KLF8: variants seen among roughly 807,000 people sequenced by gnomAD.
KLF8 encodes KLF transcription factor 8.
Under a neutral mutation model 18.2 loss-of-function variants are expected in KLF8, and 10 were observed. That is an observed-to-expected ratio of 0.55 (90% CI 0.34 to 0.93). KLF8 has a LOEUF of 0.93. Ranked by LOEUF, KLF8 falls within the 40% of genes least tolerant of loss-of-function variation. KLF8 has a pLI of 0.02. For synonymous variants in KLF8, 109 were observed against 97.3 expected (o/e 1.12, Z -0.71); for missense variants, 264 against 277.9 (o/e 0.95, Z 0.36).
chrX:56,224,663 T>C, the KLF8 span, among the ~76,000 whole-genome samples: 1 of 112,305 alleles, frequency 8.9e-6, no homozygotes, highest in Non-Finnish European at 1.9e-5. Context: ...TTACACTTAA[T>C]ATTATTATAC....
the KLF8 span, among the ~76,000 whole-genome samples, chrX:56,197,754 C>T: frequency 4.5e-5 from 5 of 111,184 alleles, no homozygotes; most frequent in African/African-American, 1.6e-4. Context: ...CAAAATCATC[C>T]AGTACCAAAG....
the KLF8 span, among the ~76,000 whole-genome samples, chrX:56,086,566 G>A: frequency 1.8e-5 from 2 of 110,875 alleles, no homozygotes; most frequent in Non-Finnish European, 3.8e-5. Context: ...AAGCTTTTAT[G>A]TTAGTCTATA....
the KLF8 span, among the ~76,000 whole-genome samples, chrX:55,925,430 C>T: frequency 0.014 from 1,497 of 110,493 alleles, 16 homozygotes; most frequent in Non-Finnish European, 0.023. Flanking sequence ...ACACACACTA[C>T]ATATTATACT....
the KLF8 span, among the ~76,000 whole-genome samples, chrX:56,090,580 T>A: frequency 2.0e-3 from 221 of 112,241 alleles, no homozygotes; most frequent in Non-Finnish European, 3.3e-3. Flanking sequence ...GTGATGTTGA[T>A]GTTTTTATAT....
the KLF8 span, among the ~76,000 whole-genome samples, chrX:56,178,336 A>AT: frequency 4.5e-5 from 5 of 111,086 alleles, no homozygotes; most frequent in Non-Finnish European, 7.6e-5. Flanking sequence ...GGGTTGTTTG[A>AT]TTTTTTCTTG....
At chrX:56,106,333 C>A in the KLF8 span, among the ~76,000 whole-genome samples, 1 of 111,906 alleles carries the variant, frequency 8.9e-6, no homozygotes, top group Non-Finnish European at 1.9e-5. Flanking sequence ...TTCCATTCTC[C>A]CCATCACTTT....
At chrX:56,090,554 A>G in the KLF8 span, among the ~76,000 whole-genome samples, 30 of 112,265 alleles carry the variant, frequency 2.7e-4, no homozygotes, top group African/African-American at 9.4e-4. Flanking sequence ...TTTGATTTAC[A>G]TTACTGTGAT....
At chrX:56,163,518 C>T in the KLF8 span, among the ~76,000 whole-genome samples, 2 of 111,242 alleles carry the variant, frequency 1.8e-5, no homozygotes, top group Non-Finnish European at 3.8e-5. Flanking sequence ...GCATAGTTTA[C>T]AAAAATTTTC....
the KLF8 span, among the ~76,000 whole-genome samples, chrX:56,193,164 T>TA: frequency 3.7e-3 from 416 of 112,093 alleles, 1 homozygote; most frequent in Non-Finnish European, 5.2e-3. Flanking sequence ...GCAAAAAAAT[T>TA]AAAAAGACAT....
the KLF8 span, among the ~76,000 whole-genome samples, chrX:56,069,262 A>T: frequency 9.0e-6 from 1 of 111,657 alleles, no homozygotes; most frequent in Non-Finnish European, 1.9e-5. Flanking sequence ...AGGGTGCATG[A>T]CCCCACTGAT....
the KLF8 span, among the ~76,000 whole-genome samples, chrX:56,108,343 T>A: frequency 8.9e-6 from 1 of 112,084 alleles, no homozygotes; most frequent in Non-Finnish European, 1.9e-5. Flanking sequence ...GGGCTTTCCA[T>A]AAATACCTTT....
the KLF8 span, among the ~76,000 whole-genome samples, chrX:56,067,744 C>A: frequency 8.9e-6 from 1 of 112,279 alleles, no homozygotes; most frequent in Non-Finnish European, 1.9e-5. Context: ...CCCCGTCCCC[C>A]TCCTACACTT....
At chrX:55,996,409 T>C in the KLF8 span, among the ~76,000 whole-genome samples, 37 of 112,367 alleles carry the variant, frequency 3.3e-4, no homozygotes, top group Admixed American at 2.0e-3. Context: ...TAGGAGCTAG[T>C]GTGGTTGTTT....
At chrX:56,056,240 G>A in the KLF8 span, among the ~76,000 whole-genome samples, 1 of 110,369 alleles carries the variant, frequency 9.1e-6, no homozygotes, top group African/African-American at 3.3e-5. Context: ...GCTGAACTTG[G>A]ATTTTTTTCT....
At chrX:56,276,302 C>T (rs1453222551) in intron 5 of KLF8, among the ~76,000 whole-genome samples, 1 of 110,878 alleles carries the variant, frequency 9.0e-6, no homozygotes, top group African/African-American at 3.3e-5. Context: ...TGGATTTCTT[C>T]CTGATTCTGT....
the KLF8 span, among the ~76,000 whole-genome samples, chrX:56,049,864 C>G: frequency 7.4e-5 from 8 of 107,889 alleles, no homozygotes; most frequent in East Asian, 2.9e-4. Context: ...CCTTGTACCT[C>G]TGGTAGAATT....
the KLF8 span, among the ~76,000 whole-genome samples, chrX:56,058,300 A>ATATATATG: frequency 6.7e-5 from 5 of 74,158 alleles, no homozygotes; most frequent in African/African-American, 2.5e-4. Flanking sequence ...ATATATATAT[A>ATATATATG]TATATATATA....
the KLF8 span, among the ~76,000 whole-genome samples, chrX:56,084,213 C>A: frequency 9.1e-6 from 1 of 110,327 alleles, no homozygotes; most frequent in Admixed American, 9.7e-5. Flanking sequence ...ACCTTGTCCC[C>A]ACATAAAATT....
chrX:56,173,585 CT>C, the KLF8 span, among the ~76,000 whole-genome samples: 1 of 111,808 alleles, frequency 8.9e-6, no homozygotes, highest in Non-Finnish European at 1.9e-5. Context: ...AATGCGGGCT[CT>C]TTTTTGGTTC....
Sources: allele counts gnomAD v4.1 joint callset (sites outside exome capture counted in the v4.1 genomes callset), GRCh38; gene constraint gnomAD v4.1.1; transcripts MANE v1.5; gene names NCBI Gene and HGNC (gene_info 2026-07-23, HGNC 2026-07-21).